Variants in TAS2R1 observed in about 807,000 individuals in gnomAD.
TAS2R1 encodes taste 2 receptor member 1, also known as taste receptor type 2 member 1.
For synonymous variants in TAS2R1, 141 were observed against 134.2 expected, an observed-to-expected ratio of 1.05 and a Z score of -0.35; for missense variants, 370 against 353.4, an observed-to-expected ratio of 1.05 and a Z score of -0.38.
the TAS2R1 span, among the ~76,000 whole-genome samples, chr5:9,833,367 G>C: frequency 1.3e-5 from 2 of 152,090 alleles, no homozygotes; most frequent in African/African-American, 4.8e-5. Context: ...GTGATTTTGG[G>C]GTCCCAAGAT....
At chr5:9,807,115 G>C in the TAS2R1 span, among the ~76,000 whole-genome samples, 1 of 151,864 alleles carries the variant, frequency 6.6e-6, no homozygotes, top group Non-Finnish European at 1.5e-5. Context: ...ATTCTCAAAA[G>C]AAGATATACA....
At chr5:9,731,523 C>A in the TAS2R1 span, among the ~76,000 whole-genome samples, 15,510 of 152,228 alleles carry the variant, frequency 0.1, 1,000 homozygotes, top group Middle Eastern at 0.15. Flanking sequence ...GGTGGCCATC[C>A]GCCCATGCCT....
At chr5:9,874,063 T>C in the TAS2R1 span, among the ~76,000 whole-genome samples, 1 of 150,842 alleles carries the variant, frequency 6.6e-6, no homozygotes, top group Non-Finnish European at 1.5e-5. Context: ...CTACATGGAG[T>C]GAGTTGGAGT....
At chr5:9,678,254 T>C (rs1181830964) in intron 1 of TAS2R1, among the ~76,000 whole-genome samples, 2 of 152,026 alleles carry the variant, frequency 1.3e-5, no homozygotes, top group African/African-American at 4.8e-5. Context: ...CCAATCAGAA[T>C]GGTGGTGATT....
At chr5:9,708,702 T>C (rs1741673173) in intron 1 of TAS2R1, among the ~76,000 whole-genome samples, 1 of 152,172 alleles carries the variant, frequency 6.6e-6, no homozygotes, top group African/African-American at 2.4e-5. Flanking sequence ...ATCTTGGGGT[T>C]TGGAGATAAG....
At chr5:9,797,497 G>A in the TAS2R1 span, among the ~76,000 whole-genome samples, 1 of 152,128 alleles carries the variant, frequency 6.6e-6, no homozygotes, top group African/African-American at 2.4e-5. Context: ...GGAGACAGAA[G>A]AAAGCATGAA....
At chr5:9,643,777 A>G (rs145479565) in intron 2 of TAS2R1, among the ~76,000 whole-genome samples, 43 of 152,294 alleles carry the variant, frequency 2.8e-4, no homozygotes, top group Middle Eastern at 3.4e-3. Flanking sequence ...CTTGGAAATC[A>G]CACTGTAGTG....
At chr5:9,759,499 A>T in the TAS2R1 span, among the ~76,000 whole-genome samples, 3 of 152,218 alleles carry the variant, frequency 2.0e-5, no homozygotes, top group Non-Finnish European at 4.4e-5. Context: ...ATTTGGGTGG[A>T]ATCCAGGAAT....
the TAS2R1 span, among the ~76,000 whole-genome samples, chr5:9,831,168 G>C: frequency 6.6e-6 from 1 of 152,152 alleles, no homozygotes; most frequent in African/African-American, 2.4e-5. Context: ...GAAACAGATT[G>C]CAGTTGGGAC....
chr5:9,742,070 T>C, the TAS2R1 span, among the ~76,000 whole-genome samples: 1 of 152,000 alleles, frequency 6.6e-6, no homozygotes, highest in Non-Finnish European at 1.5e-5. Flanking sequence ...TAATTTTGTA[T>C]TTTTAGTAGA....
the TAS2R1 span, among the ~76,000 whole-genome samples, chr5:9,817,883 G>A: frequency 6.6e-6 from 1 of 151,708 alleles, no homozygotes; most frequent in African/African-American, 2.4e-5. Context: ...GGGAGAGGGA[G>A]AGGGGGAGGG....
chr5:9,655,352 T>C (rs545139364), intron 2 of TAS2R1, among the ~76,000 whole-genome samples: 1 of 152,284 alleles, frequency 6.6e-6, no homozygotes, highest in African/African-American at 2.4e-5. Flanking sequence ...CTGACAAATA[T>C]AACTACTTCA....
the TAS2R1 span, among the ~76,000 whole-genome samples, chr5:9,811,088 T>C: frequency 1.3e-5 from 2 of 152,116 alleles, no homozygotes; most frequent in Non-Finnish European, 2.9e-5. Flanking sequence ...AGGTGGTCCT[T>C]TTGGGAGATG....
intron 1 of TAS2R1, among the ~76,000 whole-genome samples, chr5:9,663,603 G>A (rs72731199): frequency 0.15 from 22,746 of 152,166 alleles, 2,107 homozygotes; most frequent in South Asian, 0.23. Context: ...TACTGAGCTT[G>A]CTTTCTTATT....
At chr5:9,759,814 G>A in the TAS2R1 span, among the ~76,000 whole-genome samples, 1 of 152,212 alleles carries the variant, frequency 6.6e-6, no homozygotes, top group Non-Finnish European at 1.5e-5. Context: ...TAGTTCACCA[G>A]TGAACAGCTG....
chr5:9,826,063 A>G, the TAS2R1 span, among the ~76,000 whole-genome samples: 4 of 152,188 alleles, frequency 2.6e-5, no homozygotes, highest in Non-Finnish European at 5.9e-5. Flanking sequence ...TAATTTTTAT[A>G]ATTACATTTA....
intron 2 of TAS2R1, among the ~76,000 whole-genome samples, chr5:9,640,200 GAGA>G (rs1321169401): frequency 6.6e-6 from 1 of 151,990 alleles, no homozygotes; most frequent in Admixed American, 6.6e-5. Context: ...GAGGCTCAAG[GAGA>G]AGGAGTGCAA....
chr5:9,864,363 C>T, the TAS2R1 span, among the ~76,000 whole-genome samples: 1 of 152,162 alleles, frequency 6.6e-6, no homozygotes, highest in Non-Finnish European at 1.5e-5. Context: ...TGCAGTGGCT[C>T]ATGCCTGTAA....
chr5:9,630,770 TTC>T (rs1341098465), upstream of TAS2R1, among the ~76,000 whole-genome samples: 12 of 152,324 alleles, frequency 7.9e-5, no homozygotes, highest in South Asian at 1.2e-3. Context: ...TTAAAATCTT[TTC>T]TCTCTTATTT....
Sources: gnomAD v4.1 joint callset for allele counts (sites outside exome capture counted in the v4.1 genomes callset) on GRCh38, gnomAD v4.1.1 for gene constraint, MANE v1.5 for transcripts, NCBI Gene and HGNC (gene_info 2026-07-23, HGNC 2026-07-21) for gene names.